BMPR1B: variants seen among roughly 807,000 people sequenced by gnomAD.
BMPR1B encodes the protein bone morphogenetic protein receptor type-1B.
Under a neutral mutation model 59.1 loss-of-function variants are expected in BMPR1B, and 12 were observed. That is an observed-to-expected ratio of 0.20 (90% confidence interval 0.13 to 0.33). BMPR1B has a LOEUF of 0.33. BMPR1B is among the 10% of genes least tolerant of loss of function. The probability of loss-of-function intolerance (pLI) is 1.00; values close to 1 mark genes in which losing one functional copy is unlikely to be tolerated. For missense variants in BMPR1B, 550 were observed against 610.9 expected, an observed-to-expected ratio of 0.90 and a Z score of 1.05; for synonymous variants, 237 against 207.3, an observed-to-expected ratio of 1.14 and a Z score of -1.23.
At chr4:94,872,368 C>G (rs1726534669) in intron 1 of BMPR1B, among the ~76,000 whole-genome samples, 2 of 151,996 alleles carry the variant, frequency 1.3e-5, no homozygotes, top group Non-Finnish European at 2.9e-5. Flanking sequence ...CTTTTTAAAC[C>G]CAGAAGCAAT....
At chr4:95,142,897 AC>A (rs1734351032) in intron 10 of BMPR1B, among the ~76,000 whole-genome samples, 1 of 151,868 alleles carries the variant, frequency 6.6e-6, no homozygotes, top group African/African-American at 2.4e-5. Flanking sequence ...AACATGAAAA[AC>A]ATTTAATATA....
At chr4:95,089,772 T>C (rs1729845395) in intron 3 of BMPR1B, among the ~76,000 whole-genome samples, 1 of 152,074 alleles carries the variant, frequency 6.6e-6, no homozygotes, top group African/African-American at 2.4e-5. Flanking sequence ...GCAGTCTTCT[T>C]CCTACAAATC....
chr4:94,963,863 G>A (rs971063560), intron 2 of BMPR1B, among the ~76,000 whole-genome samples: 4 of 151,890 alleles, frequency 2.6e-5, no homozygotes, highest in Non-Finnish European at 5.9e-5. Context: ...CTCTATTTCT[G>A]TGAAGAATGT....
intron 2 of BMPR1B, among the ~76,000 whole-genome samples, chr4:94,892,172 C>T (rs1727424578): frequency 6.6e-6 from 1 of 152,014 alleles, no homozygotes; most frequent in African/African-American, 2.4e-5. Flanking sequence ...GAGGAACATA[C>T]GGCTTTCTAA....
intron 1 of BMPR1B, among the ~76,000 whole-genome samples, chr4:94,774,247 C>G (rs1168251212): frequency 1.3e-5 from 2 of 152,008 alleles, no homozygotes; most frequent in Non-Finnish European, 2.9e-5. Context: ...ATAATCAAAG[C>G]CCCTGGTAAT....
At chr4:95,073,156 A>T (rs544091568) in intron 3 of BMPR1B, among the ~76,000 whole-genome samples, 1 of 152,264 alleles carries the variant, frequency 6.6e-6, no homozygotes, top group South Asian at 2.1e-4. Context: ...TCTTTTACAG[A>T]TTTCTTTTTC....
intron 3 of BMPR1B, among the ~76,000 whole-genome samples, chr4:95,061,586 T>C (rs1366119875): frequency 1.3e-5 from 2 of 152,246 alleles, no homozygotes; most frequent in Admixed American, 1.3e-4. Context: ...TATCTACTTT[T>C]GTTTTCTCAT....
At chr4:95,104,837 C>T (rs1731089199) in intron 4 of BMPR1B, among the ~76,000 whole-genome samples, 1 of 152,036 alleles carries the variant, frequency 6.6e-6, no homozygotes, top group Non-Finnish European at 1.5e-5. Context: ...GGTGCAAATG[C>T]CAATTATTTT....
At chr4:94,865,749 C>G (rs1726203888) in intron 1 of BMPR1B, among the ~76,000 whole-genome samples, 1 of 152,156 alleles carries the variant, frequency 6.6e-6, no homozygotes, top group Non-Finnish European at 1.5e-5. Flanking sequence ...TGAAATCCAA[C>G]ATTTCTAGCA....
intron 1 of BMPR1B, among the ~76,000 whole-genome samples, chr4:94,846,785 A>T (rs1725353159): frequency 6.6e-6 from 1 of 152,040 alleles, no homozygotes. Context: ...AATACAGTAT[A>T]CGAACATCAA....
chr4:94,902,253 G>A (rs201383010), intron 2 of BMPR1B, among the ~76,000 whole-genome samples: 1 of 62,302 alleles, frequency 1.6e-5, no homozygotes, highest in Non-Finnish European at 3.1e-5. Flanking sequence ...CACACACAGA[G>A]AGAGAGAGAG....
At position 94,899,785 on chromosome 4, in the gene BMPR1B, C is replaced by A. The variant is rs28700146; in HGVS notation, c.-113+23885C>A. ...GTCAAAGTTAAGGAGGAAATTAAAA[C>A]TTTTCCTTTTGAAATGGGAATGTCT... On this transcript the variant is annotated intron_variant, in intron 2 of 12. Coordinates refer to ENST00000515059, the MANE Select transcript of BMPR1B (RefSeq NM_001203.3). Among the ~76,000 whole-genome samples, 1,122 of 152,116 alleles carry A rather than the reference C, an allele frequency of 7.4e-3. 17 individuals carry two copies. Among genetic ancestry groups the A allele is most frequent in the African/African-American group, 0.026 (1,075 of 41,542 alleles).
At chr4:94,933,265 ACTT>A (rs1454012732) in intron 2 of BMPR1B, among the ~76,000 whole-genome samples, 1 of 151,744 alleles carries the variant, frequency 6.6e-6, no homozygotes, top group Non-Finnish European at 1.5e-5. Flanking sequence ...GCACTTAACG[ACTT>A]CTTATTCCAT....
At chr4:94,895,866 A>C (rs17429196) in intron 2 of BMPR1B, among the ~76,000 whole-genome samples, 22,118 of 151,930 alleles carry the variant, frequency 0.15, 1,796 homozygotes, top group South Asian at 0.19. Context: ...TGATAAAAGG[A>C]AAGGAAACTA....
At chr4:94,898,512 T>G (rs1056759983) in intron 2 of BMPR1B, among the ~76,000 whole-genome samples, 12 of 152,006 alleles carry the variant, frequency 7.9e-5, no homozygotes, top group Non-Finnish European at 2.9e-5. Context: ...TACAAGGGGC[T>G]TTCCTCTCCT....
In BMPR1B at chr4:95,154,798, G is replaced by A. The variant is rs1735296216; in HGVS notation, c.*125G>A. Reference sequence around the variant, plus strand: ...TTGAACATCGTCCTGCTTCCCAGTGGGTTCAGACCTCACCTCTCAGGGAGC... The same window carrying A: ...TTGAACATCGTCCTGCTTCCCAGTGAGTTCAGACCTCACCTCTCAGGGAGC... On this transcript the variant is annotated 3_prime_UTR_variant, in exon 13 of 13. Transcript: ENST00000515059. The A allele has an allele frequency of 9.2e-6, 13 of 1,408,024 alleles. No individual in the cohort carries two copies. The East Asian group carries it at 2.8e-4, about 30-fold the overall frequency. 87.2% of individuals were successfully genotyped at this position (1,408,024 alleles called of 1,614,324 possible).
chr4:95,146,338 A>G (rs990661199), intron 10 of BMPR1B, among the ~76,000 whole-genome samples: 2 of 152,166 alleles, frequency 1.3e-5, no homozygotes, highest in Non-Finnish European at 2.9e-5. Flanking sequence ...TTTGAGAAAA[A>G]GAATTTAGAG....
At chr4:95,023,250 G>A (rs1392074433) in intron 3 of BMPR1B, among the ~76,000 whole-genome samples, 1 of 152,110 alleles carries the variant, frequency 6.6e-6, no homozygotes, top group African/African-American at 2.4e-5. Context: ...ACACATGCCT[G>A]CCAAGAAAAC....
chr4:94,885,983 A>G (rs1206895088), intron 2 of BMPR1B, among the ~76,000 whole-genome samples: 6 of 152,164 alleles, frequency 3.9e-5, no homozygotes, highest in Admixed American at 3.3e-4. Context: ...GATAGAAATA[A>G]ATTCAAATAT....
Sources: allele counts gnomAD v4.1 joint callset (sites outside exome capture counted in the v4.1 genomes callset), GRCh38; gene constraint gnomAD v4.1.1; transcripts MANE v1.5; gene names NCBI Gene and HGNC (gene_info 2026-07-23, HGNC 2026-07-21).